Variants in NUP188 observed in about 807,000 individuals in gnomAD.
NUP188 encodes the protein nucleoporin 188, also known as nucleoporin NUP188.
A neutral mutation model predicts 223.0 loss-of-function variants in NUP188; 97 were observed. The observed-to-expected ratio is 0.43, with a 90% CI of 0.37 to 0.51. NUP188 has a LOEUF of 0.51. Ranked by LOEUF, NUP188 falls within the 20% of genes least tolerant of loss-of-function variation. The pLI, the probability that NUP188 is intolerant of heterozygous loss-of-function variation, is 0.00. For synonymous variants in NUP188, 869 were observed against 828.0 expected (o/e 1.05, Z -0.85); for missense variants, 1,947 against 2,175.6 (o/e 0.89, Z 2.09).
chr9:128,955,260 C>T (rs765023013), intron 3 of NUP188, among the ~76,000 whole-genome samples: 5 of 152,208 alleles, frequency 3.3e-5, no homozygotes, highest in Non-Finnish European at 5.9e-5. Context: ...CAAGTTTCTC[C>T]TCTGTAAAGT....
intron 8 of NUP188, among the ~76,000 whole-genome samples, chr9:128,964,637 T>G (rs1216655788): frequency 4.6e-5 from 7 of 151,270 alleles, no homozygotes; most frequent in African/African-American, 2.4e-5. Context: ...CCTCCCAAAG[T>G]GCTGGGATGA....
intron 1 of NUP188, 193 bp downstream of exon 1, chr9:128,947,944 A>C (rs1841712231): frequency 4.8e-6 from 2 of 415,512 alleles, no homozygotes; most frequent in Non-Finnish European, 8.2e-6. Flanking sequence ...AGTCTTCTTC[A>C]GGAGGGGGGC....
Position 129,006,335 on chromosome 9 carries a change from A to T in NUP188, c.5040A>T (p.Lys1680Asn). 2.5e-6 allele frequency: 4 copies of T among 1,614,178 alleles called. No homozygotes were observed. Among genetic ancestry groups the T allele is most frequent in the Non-Finnish European group, 3.4e-6 (4 of 1,180,028 alleles). Residue 1680 changes from lysine to asparagine, a missense_variant, in exon 43 of 44, where the codon AAA becomes AAT. Physicochemically the swap from Lys to Asn is moderately conservative, Grantham distance 94 (BLOSUM62 0). Coordinates refer to ENST00000372577, the MANE Select transcript of NUP188 (RefSeq NM_015354.3). ...ACCCGGCTGTGCACCCCCGGGACAA[A>T]CAGCGGATGAAGCAGGAGCTCAGCT... Reference protein sequence around the residue: ...LRDPAVHPRDKQRMKQELSSE... With the variant: ...LRDPAVHPRDNQRMKQELSSE...
intron 10 of NUP188, among the ~76,000 whole-genome samples, chr9:128,969,998 G>A (rs1045524136): frequency 6.6e-6 from 1 of 152,070 alleles, no homozygotes; most frequent in African/African-American, 2.4e-5. Context: ...TGCCATCTCG[G>A]CTCACTGCAA....
intron 3 of NUP188, 127 bp from the exon 4 acceptor site, chr9:128,956,219 GTGTT>G (rs1841869176): frequency 5.9e-6 from 3 of 511,960 alleles, no homozygotes; most frequent in East Asian, 3.3e-5. Context: ...GTGCGTGTGT[GTGTT>G]TGTGTGTGTG....
At chr9:129,005,024 G>A (rs962912347) in intron 38 of NUP188, 123 bp from the exon 39 acceptor site, 2 of 712,894 alleles carry the variant, frequency 2.8e-6, no homozygotes, top group Non-Finnish European at 5.1e-6. Context: ...GGGAAGGAGG[G>A]AGAGAAGAGC....
chr9:128,970,772 A>C lies in NUP188; in HGVS notation c.927A>C (p.Leu309Phe). Residue 309 changes from leucine to phenylalanine, a missense_variant, in exon 11 of 44, where the codon TTA (leucine) becomes TTC (phenylalanine). By Grantham distance (22) the Leu-to-Phe change is conservative. Transcript: ENST00000372577. Reference protein sequence around the residue: ...DGLICQDMDCLMLTFGDIPHH... With the variant: ...DGLICQDMDCFMLTFGDIPHH... The stretch of plus-strand genomic sequence containing the variant: ...TCTCTCACTAGGATATGGACTGTTT[A>C]ATGTTGACCTTTGGGGACATTCCAC... 1.9e-6 allele frequency: 3 copies of C among 1,614,094 alleles called. No homozygotes were observed. Among genetic ancestry groups the C allele is most frequent in the Non-Finnish European group, 2.5e-6 (3 of 1,179,974 alleles).
intron 38 of NUP188, 75 bp downstream of exon 38, chr9:129,003,529 C>T: frequency 6.7e-7 from 1 of 1,501,102 alleles, no homozygotes; most frequent in Non-Finnish European, 9.2e-7. Flanking sequence ...CTCACTGGGG[C>T]ACTCCTAGTG....
chr9:128,999,341 C>A, intron 33 of NUP188, 24 bp downstream of exon 33: 1 of 1,610,110 alleles, frequency 6.2e-7, no homozygotes, highest in South Asian at 1.1e-5. Flanking sequence ...GCAGGGGGAG[C>A]AGCAGCTGCA....
chr9:128,949,464 C>G (rs1841746022), intron 2 of NUP188, among the ~76,000 whole-genome samples: 1 of 151,756 alleles, frequency 6.6e-6, no homozygotes. Flanking sequence ...TCTCGAGTAG[C>G]TGGGATTACA....
chr9:128,969,241 C>T (rs1842072392), intron 9 of NUP188, among the ~76,000 whole-genome samples, 159 bp from the exon 10 acceptor site: 1 of 152,192 alleles, frequency 6.6e-6, no homozygotes, highest in African/African-American at 2.4e-5. Flanking sequence ...TCAAGTGATC[C>T]TCCCACCTCT....
chr9:128,950,527 CTT>C (rs200779506), intron 2 of NUP188, among the ~76,000 whole-genome samples: 1 of 151,716 alleles, frequency 6.6e-6, no homozygotes, highest in Non-Finnish European at 1.5e-5. Flanking sequence ...GGTATAAACA[CTT>C]TTTTTTTGTT....
intron 11 of NUP188, among the ~76,000 whole-genome samples, chr9:128,971,933 G>A (rs1447632294): frequency 3.3e-5 from 5 of 152,098 alleles, no homozygotes; most frequent in African/African-American, 9.6e-5. Context: ...CACCATGCCC[G>A]GCTATTTTTT....
intron 6 of NUP188, among the ~76,000 whole-genome samples, chr9:128,958,338 C>G (rs895105324): frequency 2.0e-5 from 3 of 152,134 alleles, no homozygotes; most frequent in Non-Finnish European, 4.4e-5. Context: ...TTCTTTATTT[C>G]TTTATTCTTC....
At chr9:128,957,497 C>G (rs906188982) in intron 5 of NUP188, among the ~76,000 whole-genome samples, 27 of 151,782 alleles carry the variant, frequency 1.8e-4, no homozygotes, top group Non-Finnish European at 7.4e-5. Flanking sequence ...TGGAGTTTCG[C>G]TCTGTCTCCC....
intron 1 of NUP188, among the ~76,000 whole-genome samples, chr9:128,948,801 CT>C (rs1841732065): frequency 1.5e-5 from 2 of 137,440 alleles, no homozygotes; most frequent in Admixed American, 1.6e-4. Context: ...TCTCGGCTCA[CT>C]GCAAGCTCTG....
chr9:129,002,946 G>A lies in NUP188; in HGVS notation c.4267G>A (p.Val1423Met), dbSNP rs756946640. ...YNFLPEALDF[V>M]GVHQERTLQC... ...CTTCCTGCCTGAGGCCCTGGACTTC[G>A]TGGGTGTCCACCAGGAGCGGACCTT... The change falls in exon 37 of 44, where the codon GTG (valine) becomes ATG (methionine). Residue 1423 changes from valine to methionine, a missense_variant. Coordinates refer to ENST00000372577, the MANE Select transcript of NUP188 (RefSeq NM_015354.3). 1.2e-6 allele frequency: 2 copies of A among 1,614,072 alleles called. No homozygotes were observed. Among genetic ancestry groups the A allele is most frequent in the African/African-American group, 1.3e-5 (1 of 74,930 alleles).
chr9:128,952,431 C>T (rs1310947999), intron 2 of NUP188, among the ~76,000 whole-genome samples: 1 of 145,460 alleles, frequency 6.9e-6, no homozygotes, highest in Non-Finnish European at 1.5e-5. Flanking sequence ...GCACAAAAAA[C>T]TGCATTTGCG....
At chr9:128,977,864 C>G (rs944491682) in intron 12 of NUP188, among the ~76,000 whole-genome samples, 75 of 152,186 alleles carry the variant, frequency 4.9e-4, no homozygotes, top group African/African-American at 1.7e-3. Context: ...TAATAACTTA[C>G]ATTTATGTGG....
Sources: gnomAD v4.1 joint callset for allele counts (sites outside exome capture counted in the v4.1 genomes callset) on GRCh38, gnomAD v4.1.1 for gene constraint, MANE v1.5 for transcripts, NCBI Gene and HGNC (gene_info 2026-07-23, HGNC 2026-07-21) for gene names.